NUDT7: variants seen among roughly 807,000 people sequenced by gnomAD.
The protein encoded by NUDT7 is peroxisomal coenzyme A diphosphatase NUDT7.
NUDT7 carries 19 observed loss-of-function variants against 13.1 expected under a neutral mutation model. The ratio of observed to expected loss-of-function variants is 1.45; its 90% CI spans 1.01 to 2.13. NUDT7 has a LOEUF of 2.13. Ranked by LOEUF, NUDT7 falls within the 30% of genes most tolerant of loss-of-function variation. NUDT7 has a pLI of 0.00. For missense variants in NUDT7, 360 were observed against 291.7 expected (o/e 1.23, Z -1.71); for synonymous variants, 132 against 109.7 (o/e 1.20, Z -1.27).
chr16:77,728,214 C>G (rs541995651), intron 2 of NUDT7, among the ~76,000 whole-genome samples: 30 of 152,198 alleles, frequency 2.0e-4, no homozygotes, highest in African/African-American at 7.0e-4. Flanking sequence ...CAATCTCCCA[C>G]TAGCTCTGGA....
chr16:77,735,400 G>C, intron 2 of NUDT7: 1 of 593,698 alleles, frequency 1.7e-6, no homozygotes, highest in Admixed American at 2.5e-5. Context: ...CCAGCCATGT[G>C]AAGTGCTTGC....
At chr16:77,735,773 T>A (rs1301006977) in intron 2 of NUDT7, 55 bp from the exon 3 acceptor site, 1 of 1,524,262 alleles carries the variant, frequency 6.6e-7, no homozygotes, top group East Asian at 2.3e-5. Flanking sequence ...GTTGAATGCA[T>A]AAATAGTTCC....
At chr16:77,737,764 C>T (rs988519975) in intron 3 of NUDT7, among the ~76,000 whole-genome samples, 6 of 152,180 alleles carry the variant, frequency 3.9e-5, no homozygotes, top group African/African-American at 9.6e-5. Context: ...GGACTATAGA[C>T]GTGAGCCACC....
intron 2 of NUDT7, among the ~76,000 whole-genome samples, chr16:77,725,860 C>CT (rs2014119157): frequency 6.6e-6 from 1 of 152,218 alleles, no homozygotes; most frequent in Admixed American, 6.5e-5. Context: ...CTGAATAATT[C>CT]TTTGGTGTGG....
chr16:77,727,068 A>G (rs922209825), intron 2 of NUDT7, among the ~76,000 whole-genome samples: 1 of 152,246 alleles, frequency 6.6e-6, no homozygotes, highest in African/African-American at 2.4e-5. Context: ...TGATGGTGCT[A>G]AACCATGCGT....
chr16:77,724,875 G>A (rs1179469569), intron 1 of NUDT7, among the ~76,000 whole-genome samples: 1 of 152,210 alleles, frequency 6.6e-6, no homozygotes, highest in East Asian at 1.9e-4. Flanking sequence ...ACGCTGTCAT[G>A]AGGGAGTTTG....
At position 77,725,530 on chromosome 16, in the gene NUDT7, A is replaced by G. The variant is rs1410515124; in HGVS notation, c.135A>G (p.Pro45=). The G allele has an allele frequency of 6.2e-7, 1 of 1,614,034 alleles. No homozygotes were observed. The highest frequency in any genetic ancestry group is 8.5e-7 in the Non-Finnish European group (1 of 1,180,020). Residue 45 remains proline (P), a synonymous_variant, in exon 2 of 4, where the codon CCA becomes CCG. Coordinates refer to ENST00000268533, the MANE Select transcript of NUDT7 (RefSeq NM_001105663.3). The part of the protein sequence containing the change: ...LPYNKYSVLL[P]LVAKEGKLHL... ...ATAACAAATACTCCGTCCTTTTGCC[A>G]TTGGTGGCTAAAGAAGGAAAACTCC...
At chr16:77,731,833 C>G (rs2014327559) in intron 2 of NUDT7, among the ~76,000 whole-genome samples, 1 of 149,030 alleles carries the variant, frequency 6.7e-6, no homozygotes, top group Non-Finnish European at 1.5e-5. Flanking sequence ...TAGTTTTTAG[C>G]AAGAAAGTTT....
chr16:77,722,862 G>A (rs541079252), intron 1 of NUDT7, among the ~76,000 whole-genome samples: 15 of 152,168 alleles, frequency 9.9e-5, no homozygotes, highest in Non-Finnish European at 2.1e-4. Flanking sequence ...CCCCTTCCCA[G>A]CCGGCTTGGC....
intron 1 of NUDT7, among the ~76,000 whole-genome samples, chr16:77,724,950 G>T (rs1008283431): frequency 2.0e-5 from 3 of 152,136 alleles, no homozygotes; most frequent in African/African-American, 7.2e-5. Flanking sequence ...ACTGAACCTC[G>T]CAGTCTATGT....
At chr16:77,734,154 C>G (rs994856778) in intron 2 of NUDT7, among the ~76,000 whole-genome samples, 3 of 152,076 alleles carry the variant, frequency 2.0e-5, no homozygotes, top group Non-Finnish European at 2.9e-5. Context: ...GCTCCAGGGC[C>G]TATATTTTTT....
At chr16:77,724,759 A>G (rs1429698860) in intron 1 of NUDT7, among the ~76,000 whole-genome samples, 1 of 152,254 alleles carries the variant, frequency 6.6e-6, no homozygotes, top group Non-Finnish European at 1.5e-5. Context: ...AAAGGACCAA[A>G]ACAAGTCCAC....
At chr16:77,739,553 C>T (rs759263994) in intron 3 of NUDT7, among the ~76,000 whole-genome samples, 2 of 152,204 alleles carry the variant, frequency 1.3e-5, no homozygotes, top group African/African-American at 4.8e-5. Context: ...GGTTTTGGTG[C>T]GTTTTGATGG....
Position 77,725,564 on chromosome 16 carries a change from T to G in NUDT7, c.169T>G (p.Phe57Val). Reference sequence around the variant, plus strand: ...TAAAGAAGGAAAACTCCATTTGTTGTTCACCGTCCGGTCAGAGAAGGTAGG... The same window carrying G: ...TAAAGAAGGAAAACTCCATTTGTTGGTCACCGTCCGGTCAGAGAAGGTAGG... ...VAKEGKLHLL[F>V]TVRSEKLRRA... The change falls in exon 2 of 4, where the codon TTC becomes GTC. Residue 57 changes from phenylalanine (F) to valine (V), a missense_variant. By Grantham distance (50) the Phe-to-Val change is conservative. Coordinates refer to ENST00000268533, the MANE Select transcript of NUDT7 (RefSeq NM_001105663.3). The G allele has an allele frequency of 1.2e-6, 2 of 1,614,120 alleles. No homozygotes were observed. Among genetic ancestry groups the G allele is most frequent in the Non-Finnish European group, 1.7e-6 (2 of 1,180,010 alleles).
In NUDT7 at chr16:77,725,330, A is replaced by G. The variant is rs995623522; in HGVS notation, c.36-101A>G. 3.8e-6 allele frequency: 4 copies of G among 1,056,766 alleles called. No homozygotes were observed. In the African/African-American group the frequency reaches 6.4e-5, roughly 17 times the overall value. The allele number at this position is 1,056,766 out of a possible 1,614,324, so 65.5% of individuals were successfully genotyped here. On this transcript the variant is annotated intron_variant, in intron 1 of 3. Coordinates refer to ENST00000268533, the MANE Select transcript of NUDT7 (RefSeq NM_001105663.3). The stretch of plus-strand genomic sequence containing the variant: ...AATACACAGAGAGTCAGAAATGGCA[A>G]ACTCCTAAATACACAACAAAGCAGA...
At chr16:77,733,547 G>C (rs564661821) in intron 2 of NUDT7, among the ~76,000 whole-genome samples, 1 of 152,342 alleles carries the variant, frequency 6.6e-6, no homozygotes, top group East Asian at 1.9e-4. Context: ...TCAGGCCATT[G>C]CAGGCATCTA....
intron 3 of NUDT7, 109 bp from the exon 4 acceptor site, chr16:77,741,473 C>T: frequency 8.6e-7 from 1 of 1,162,922 alleles, no homozygotes; most frequent in Non-Finnish European, 1.2e-6. Context: ...TCTTCCCCTT[C>T]TCCCAGGTTC....
chr16:77,728,515 G>A (rs776706211), intron 2 of NUDT7, among the ~76,000 whole-genome samples: 1 of 152,166 alleles, frequency 6.6e-6, no homozygotes. Context: ...GAGATGACAA[G>A]CGTGTGCCAC....
At chr16:77,739,494 C>T (rs574333144) in intron 3 of NUDT7, among the ~76,000 whole-genome samples, 1 of 152,232 alleles carries the variant, frequency 6.6e-6, no homozygotes, top group South Asian at 2.1e-4. Context: ...TTCTAATTAT[C>T]GTATAATGAG....
Sources: gnomAD v4.1 joint callset for allele counts (sites outside exome capture counted in the v4.1 genomes callset) on GRCh38, gnomAD v4.1.1 for gene constraint, MANE v1.5 for transcripts, NCBI Gene and HGNC (gene_info 2026-07-23, HGNC 2026-07-21) for gene names.